NDRG2: variants seen among roughly 807,000 people sequenced by gnomAD.
NDRG2 encodes NDRG family member 2.
A neutral mutation model predicts 58.2 loss-of-function variants in NDRG2; 34 were observed. The observed-to-expected ratio is 0.58, with a 90% CI of 0.44 to 0.78. NDRG2 has a LOEUF of 0.78. Ranked by LOEUF, NDRG2 falls within the 30% of genes least tolerant of loss-of-function variation. The pLI, the probability that NDRG2 is intolerant of heterozygous loss-of-function variation, is 0.00. For synonymous variants in NDRG2, 187 were observed against 175.9 expected (o/e 1.06, Z -0.50); for missense variants, 434 against 471.2 (o/e 0.92, Z 0.73).
At chr14:21,018,566 G>A (rs1341674165) in intron 12 of NDRG2, 62 bp from the exon 13 acceptor site, 24 of 1,593,022 alleles carry the variant, frequency 1.5e-5, no homozygotes, top group Non-Finnish European at 2.0e-5. Flanking sequence ...CCCCCGTAAG[G>A]GACCCAGGAA....
At chr14:21,025,705 C>T (rs1883498581), upstream of NDRG2, 1 of 983,362 alleles carries the variant, frequency 1.0e-6, no homozygotes. This position sits in a 1 kb window ranked among gnomAD's most constrained non-coding sequence, Gnocchi z 5.1. Flanking sequence ...GTCCCGACGC[C>T]TGCTCTCCGG....
Position 21,070,459 on chromosome 14 carries a change from C to A in NDRG2, c.24+369G>T. 2.2e-6 allele frequency: 3 copies of A among 1,352,910 alleles called. No individual in the cohort carries two copies. Among genetic ancestry groups the A allele is most frequent in the Non-Finnish European group, 2.8e-6 (3 of 1,058,580 alleles). 83.8% of individuals were successfully genotyped at this position (1,352,910 alleles called of 1,614,324 possible). ...GGCCTTCGCGCAGCCCGCTCCGGGC[C>A]CCCAAGTCCTCAGCCTGGTGCCTCC... On this transcript the variant is annotated intron_variant, in intron 1 of 14. Coordinates refer to the NDRG2 transcript ENST00000403829. This position sits in a 1 kb window ranked among gnomAD's most constrained non-coding sequence, Gnocchi z 4.7.
rs116011595 is a variant in NDRG2, at chr14:21,056,724, A to G, written c.24+14104T>C. 3.5e-3 allele frequency among the ~76,000 whole-genome samples: 530 copies of G among 152,322 alleles called. 2 individuals carry two copies. The highest frequency in any genetic ancestry group is 0.012 in the African/African-American group (511 of 41,568). ...TCCTTTTTAGCTTGGCGCCAGCCCAAAGGGATGGGTTGAACATCAGGAAGC... is the reference window on the plus strand; with the variant it reads ...TCCTTTTTAGCTTGGCGCCAGCCCAGAGGGATGGGTTGAACATCAGGAAGC... On this transcript the variant is annotated intron_variant, in intron 1 of 14. Transcript: ENST00000403829.
chr14:21,049,766 C>CTTTT (rs113735552), intron 1 of NDRG2, among the ~76,000 whole-genome samples: 1 of 139,044 alleles, frequency 7.2e-6, no homozygotes, highest in African/African-American at 2.6e-5. Flanking sequence ...CATCTTTCTT[C>CTTTT]TTTTTTTTTT....
chr14:21,059,799 A>G (rs1048264626), intron 1 of NDRG2, among the ~76,000 whole-genome samples: 1 of 152,232 alleles, frequency 6.6e-6, no homozygotes, highest in Non-Finnish European at 1.5e-5. Flanking sequence ...TGCTGGGATT[A>G]TAGGCGTCAG....
rs1447812565 is a variant in NDRG2, at chr14:21,043,758, A to C, written c.25-20437T>G. 1.3e-5 allele frequency: 4 copies of C among 319,486 alleles called. No homozygotes were observed. The East Asian group carries it at 2.3e-4, about 19-fold the overall frequency. The allele number at this position is 319,486 out of a possible 1,614,324, so 19.8% of individuals were successfully genotyped here. A position where few individuals can be genotyped will look rare whatever the true frequency, so the allele number is the denominator to read the frequency against. The stretch of plus-strand genomic sequence containing the variant: ...CTCCCCTGCCCCCTGGCATTAGGGC[A>C]GCATGACAAGGAGAGGAAATAAATG... On this transcript the variant is annotated intron_variant, in intron 1 of 14. Coordinates refer to the NDRG2 transcript ENST00000403829.
intron 1 of NDRG2, among the ~76,000 whole-genome samples, chr14:21,052,904 G>C (rs1885528370): frequency 6.6e-6 from 1 of 152,164 alleles, no homozygotes; most frequent in Admixed American, 6.5e-5. Context: ...ACGTACAAGA[G>C]AACCAATAAG....
At chr14:21,062,851 T>G (rs1342456592) in intron 1 of NDRG2, among the ~76,000 whole-genome samples, 1 of 150,360 alleles carries the variant, frequency 6.7e-6, no homozygotes, top group African/African-American at 2.5e-5. Flanking sequence ...CAGTGGCTCA[T>G]GCCTATAATT....
upstream of NDRG2, chr14:21,025,205 G>C (rs1328049390): frequency 1.2e-6 from 1 of 866,834 alleles, no homozygotes; most frequent in Admixed American, 6.2e-5. This position sits in a 1 kb window ranked among gnomAD's most constrained non-coding sequence, Gnocchi z 5.1. Context: ...CGCCCAGACT[G>C]CCGCTCAGGA....
At chr14:21,038,430 A>C (rs1415209866) in intron 1 of NDRG2, among the ~76,000 whole-genome samples, 1 of 152,274 alleles carries the variant, frequency 6.6e-6, no homozygotes, top group Non-Finnish European at 1.5e-5. Context: ...TACATTCTGA[A>C]GACAGTAAAT....
At chr14:21,019,866 T>G in intron 9 of NDRG2, 54 bp downstream of exon 9, 1 of 1,593,382 alleles carries the variant, frequency 6.3e-7, no homozygotes, top group East Asian at 2.2e-5. Context: ...AGCCCAAGCA[T>G]TCAAGTTCCC....
At chr14:21,038,397 C>A (rs1884750243) in intron 1 of NDRG2, among the ~76,000 whole-genome samples, 1 of 152,102 alleles carries the variant, frequency 6.6e-6, no homozygotes, top group South Asian at 2.1e-4. Flanking sequence ...AAGAAATAAC[C>A]AGTGATTCAA....
intron 2 of NDRG2, 114 bp from the exon 3 acceptor site, chr14:21,023,019 CAGAA>C (rs1881550136): frequency 5.5e-6 from 7 of 1,271,970 alleles, no homozygotes; most frequent in Middle Eastern, 1.8e-4. Context: ...TGACCAAAGA[CAGAA>C]AGAGATTGAC....
rs561878806 is a variant in NDRG2 at position 21,059,323 on chromosome 14, G to A, written c.24+11505C>T. 6.4e-4 allele frequency among the ~76,000 whole-genome samples: 97 copies of A among 152,008 alleles called. 1 individual carries two copies. Among genetic ancestry groups the A allele is most frequent in the African/African-American group, 1.6e-3 (68 of 41,454 alleles). ...TAAAGGAGCAGTTTTATATGCAATC[G>A]GCCATAGACCAATACTTTTGTAAAA... On this transcript the variant is annotated intron_variant, in intron 1 of 14. Transcript: ENST00000403829.
chr14:21,019,500 C>T (rs1878883544), intron 10 of NDRG2, 139 bp downstream of exon 10: 1 of 641,666 alleles, frequency 1.6e-6, no homozygotes, highest in Non-Finnish European at 2.8e-6. Flanking sequence ...CTGAAGCTGC[C>T]CCCATTGCAC....
chr14:21,026,267 C>T (rs1883611642), upstream of NDRG2, among the ~76,000 whole-genome samples: 2 of 152,110 alleles, frequency 1.3e-5, no homozygotes, highest in South Asian at 4.1e-4. Context: ...GTTGTTTAGG[C>T]AAAAGGAAAC....
At chr14:21,018,921 A>G (rs2138847618) in intron 11 of NDRG2, 107 bp from the exon 12 acceptor site, 7 of 1,445,312 alleles carry the variant, frequency 4.8e-6, no homozygotes, top group Middle Eastern at 1.8e-4. Context: ...GAGGAAAGAC[A>G]CTTCTGTGTC....
At chr14:21,061,522 G>A (rs11624129) in intron 1 of NDRG2, among the ~76,000 whole-genome samples, 18,842 of 152,040 alleles carry the variant, frequency 0.12, 1,490 homozygotes, top group Admixed American at 0.2. Context: ...GGTGAAGCTG[G>A]GACCACAGAA....
chr14:21,040,732 T>TA (rs1426699771), intron 1 of NDRG2, among the ~76,000 whole-genome samples: 1 of 152,230 alleles, frequency 6.6e-6, no homozygotes, highest in African/African-American at 2.4e-5. Context: ...TTTGCAGTGC[T>TA]AGTCTCTTCA....
Sources: allele counts gnomAD v4.1 joint callset (sites outside exome capture counted in the v4.1 genomes callset), GRCh38; gene constraint gnomAD v4.1.1; non-coding constraint Gnocchi (gnomAD v3.1); transcripts MANE v1.5; gene names NCBI Gene and HGNC (gene_info 2026-07-23, HGNC 2026-07-21).